RAP1GAP2: variants seen among roughly 807,000 people sequenced by gnomAD.
The protein encoded by RAP1GAP2 is RAP1 GTPase activating protein 2.
RAP1GAP2 carries 27 observed loss-of-function variants against 95.0 expected under a neutral mutation model. The observed-to-expected ratio is 0.28, with a 90% CI of 0.21 to 0.39. RAP1GAP2 has a LOEUF of 0.39. Ranked by LOEUF, RAP1GAP2 falls within the 10% of genes least tolerant of loss-of-function variation. RAP1GAP2 has a pLI of 1.00. For missense variants in RAP1GAP2, 771 were observed against 970.0 expected (o/e 0.79, Z 2.72); for synonymous variants, 373 against 380.9 (o/e 0.98, Z 0.24).
intron 2 of RAP1GAP2, among the ~76,000 whole-genome samples, chr17:2,849,245 C>T (rs1176482580): frequency 2.6e-5 from 4 of 152,156 alleles, no homozygotes; most frequent in East Asian, 3.9e-4. Context: ...TCATCAAAGG[C>T]CCCACCCTCC....
intron 2 of RAP1GAP2, among the ~76,000 whole-genome samples, chr17:2,826,396 A>T (rs1169310143): frequency 6.6e-6 from 1 of 151,816 alleles, no homozygotes; most frequent in Admixed American, 6.6e-5. Flanking sequence ...AGGCTCTCGA[A>T]ATGGATGGAG....
intron 3 of RAP1GAP2, among the ~76,000 whole-genome samples, chr17:2,918,131 T>C (rs1567776578): frequency 6.6e-6 from 1 of 152,084 alleles, no homozygotes; most frequent in Non-Finnish European, 1.5e-5. Flanking sequence ...TGAGATTGGA[T>C]AATTTATAAA....
intron 2 of RAP1GAP2, among the ~76,000 whole-genome samples, chr17:2,843,097 C>T (rs377488235): frequency 2.0e-5 from 3 of 152,146 alleles, no homozygotes; most frequent in Admixed American, 1.3e-4. Context: ...AGAAAACAAG[C>T]ACACAGACAA....
Position 3,004,994 on chromosome 17 carries a change from T to C in RAP1GAP2, c.1201-375T>C, listed in dbSNP as rs918076592. 1.3e-5 allele frequency among the ~76,000 whole-genome samples: 2 copies of C among 152,110 alleles called. No individual in the cohort carries two copies. Among genetic ancestry groups the C allele is most frequent in the Admixed American group, 6.5e-5 (1 of 15,270 alleles). On this transcript the variant is annotated intron_variant, in intron 14 of 24. Coordinates refer to ENST00000254695, the MANE Select transcript of RAP1GAP2 (RefSeq NM_015085.5). This position sits in a 1 kb window ranked among gnomAD's most constrained non-coding sequence, Gnocchi z 4.1. ...TGTGTGTCTCTGGGCATCTGTTTCCTCATCAGGGAGAACAGTTCTCCCTGT... is the reference window on the plus strand; with the variant it reads ...TGTGTGTCTCTGGGCATCTGTTTCCCCATCAGGGAGAACAGTTCTCCCTGT...
chr17:2,849,634 C>T (rs564428268), intron 2 of RAP1GAP2, among the ~76,000 whole-genome samples: 11 of 152,324 alleles, frequency 7.2e-5, no homozygotes, highest in Admixed American at 7.2e-4. Flanking sequence ...TTTGGAGTTC[C>T]CCTGGACTGG....
chr17:3,011,857 G>A (rs1483899097), intron 17 of RAP1GAP2, among the ~76,000 whole-genome samples: 1 of 151,912 alleles, frequency 6.6e-6, no homozygotes, highest in South Asian at 2.1e-4. Context: ...CAGGTGATCC[G>A]CCCATCTTGG....
intron 3 of RAP1GAP2, among the ~76,000 whole-genome samples, chr17:2,914,936 T>G: frequency 1.4e-5 from 2 of 140,660 alleles, no homozygotes; most frequent in East Asian, 4.4e-4. Flanking sequence ...GGATTACAGG[T>G]GCCCGCCACC....
chr17:2,864,113 C>T (rs557686095), intron 2 of RAP1GAP2, among the ~76,000 whole-genome samples: 5 of 151,184 alleles, frequency 3.3e-5, no homozygotes, highest in Non-Finnish European at 5.9e-5. Context: ...TTGTCCCGTA[C>T]GTAGCAGCAT....
At chr17:2,925,384 T>A (rs764355938) in intron 3 of RAP1GAP2, among the ~76,000 whole-genome samples, 2 of 152,102 alleles carry the variant, frequency 1.3e-5, no homozygotes, top group Non-Finnish European at 2.9e-5. Flanking sequence ...TCAGGAAACT[T>A]ACAATCATGA....
intron 1 of RAP1GAP2, among the ~76,000 whole-genome samples, chr17:2,787,248 G>A (rs574139334): frequency 4.7e-5 from 7 of 150,088 alleles, no homozygotes; most frequent in Non-Finnish European, 7.4e-5. Context: ...ACCATGCCCA[G>A]CTTTGGTTTT....
rs1242428206 is a variant in RAP1GAP2 at position 2,927,005 on chromosome 17, C to CAA, written c.165+21658_165+21659dup. On this transcript the variant is annotated intron_variant, in intron 3 of 24. Coordinates refer to ENST00000254695, the MANE Select transcript of RAP1GAP2 (RefSeq NM_015085.5). ...TGGGGAACAGAGCAAGACTCCATCT[C>CAA]AAAAAAAAAAAAAAAAAAAAAAGAT... Among the ~76,000 whole-genome samples, 204 of 53,990 alleles carry CAA rather than the reference C, an allele frequency of 3.8e-3. 2 individuals carry two copies. Among genetic ancestry groups the CAA allele is most frequent in the African/African-American group, 5.5e-3 (84 of 15,218 alleles). The allele number at this position is 53,990 out of a possible 152,430, so 35.4% of individuals were successfully genotyped here.
In RAP1GAP2 at chr17:2,817,666, G is replaced by A. The variant is rs541859115; in HGVS notation, c.80+17116G>A. 6.0e-5 allele frequency among the ~76,000 whole-genome samples: 7 copies of A among 116,446 alleles called. 1 individual carries two copies. Among genetic ancestry groups the A allele is most frequent in the African/African-American group, 1.7e-4 (6 of 35,050 alleles). The allele number at this position is 116,446 out of a possible 152,430, so 76.4% of individuals were successfully genotyped here. ...CTCCCAAGTAGCTGGGATCACAGGC[G>A]CCTGCCACCACACACGGCTAAATTT... On this transcript the variant is annotated intron_variant, in intron 2 of 24. Coordinates refer to ENST00000254695, the MANE Select transcript of RAP1GAP2 (RefSeq NM_015085.5).
chr17:2,885,627 T>TAGA (rs1277608640), intron 2 of RAP1GAP2, among the ~76,000 whole-genome samples: 1 of 152,134 alleles, frequency 6.6e-6, no homozygotes, highest in African/African-American at 2.4e-5. Context: ...CCACGTACAC[T>TAGA]CAGTTCTGGG....
intron 2 of RAP1GAP2, among the ~76,000 whole-genome samples, chr17:2,837,038 G>T (rs919652896): frequency 1.3e-5 from 2 of 152,040 alleles, no homozygotes; most frequent in Non-Finnish European, 2.9e-5. Context: ...ATCACTTGAG[G>T]CCAGGAGTTC....
At chr17:3,031,023 A>G (rs1397015644) in intron 23 of RAP1GAP2, 25 bp downstream of exon 23, 1 of 1,568,426 alleles carries the variant, frequency 6.4e-7, no homozygotes, top group Admixed American at 1.8e-5. Context: ...CCCACACCCC[A>G]CACTCCACTT....
rs117355017 is a variant in RAP1GAP2, at chr17:2,990,881, G to A, written c.814-416G>A. Among the ~76,000 whole-genome samples, 151 of 137,132 alleles carry A rather than the reference G, an allele frequency of 1.1e-3. No homozygotes were observed. In the East Asian group the frequency reaches 0.028, roughly 25 times the overall value. The allele number at this position is 137,132 out of a possible 152,430, so 90.0% of individuals were successfully genotyped here. On this transcript the variant is annotated intron_variant, in intron 11 of 24. Coordinates refer to ENST00000254695, the MANE Select transcript of RAP1GAP2 (RefSeq NM_015085.5). Reference sequence around the variant, plus strand: ...TTTTTTTGAGACGGGGTCTCACTCTGTCACCCAGACCGGACTGCAATGGTG... The same window carrying A: ...TTTTTTTGAGACGGGGTCTCACTCTATCACCCAGACCGGACTGCAATGGTG...
intron 4 of RAP1GAP2, among the ~76,000 whole-genome samples, chr17:2,959,095 G>A (rs1434937675): frequency 1.3e-5 from 2 of 152,146 alleles, no homozygotes; most frequent in Admixed American, 6.5e-5. Flanking sequence ...CCTCTAGTCA[G>A]TGGGATCCTG....
intron 2 of RAP1GAP2, among the ~76,000 whole-genome samples, chr17:2,830,680 C>G (rs183733490): frequency 6.6e-6 from 1 of 152,118 alleles, no homozygotes; most frequent in Non-Finnish European, 1.5e-5. Context: ...CACCACTGCA[C>G]TCCAGCCTGG....
chr17:2,778,347 C>T (rs76272451), intron 1 of RAP1GAP2, among the ~76,000 whole-genome samples: 24,484 of 151,536 alleles, frequency 0.16, 2,160 homozygotes, highest in South Asian at 0.34. Flanking sequence ...AGCAGCCTCT[C>T]TTGGTTCCTG....
Sources: gnomAD v4.1 joint callset for allele counts (sites outside exome capture counted in the v4.1 genomes callset) on GRCh38, gnomAD v4.1.1 for gene constraint, Gnocchi (gnomAD v3.1) non-coding constraint, MANE v1.5 for transcripts, NCBI Gene and HGNC (gene_info 2026-07-23, HGNC 2026-07-21) for gene names.